EIF4ENIF1: variants seen among roughly 807,000 people sequenced by gnomAD.
EIF4ENIF1 encodes the protein eukaryotic translation initiation factor 4E transporter.
In EIF4ENIF1, 23 loss-of-function variants were observed where a neutral mutation model predicts 110.5. The observed-to-expected ratio is 0.21, with a 90% CI of 0.15 to 0.29. The LOEUF (loss-of-function observed/expected upper bound fraction) is 0.29, where lower values mean the gene tolerates loss of function less well. EIF4ENIF1 is among the 10% of genes least tolerant of loss of function. The pLI, the probability that EIF4ENIF1 is intolerant of heterozygous loss-of-function variation, is 1.00. For synonymous variants in EIF4ENIF1, 440 were observed against 437.0 expected (o/e 1.01, Z -0.09); for missense variants, 1,031 against 1,221.1 (o/e 0.84, Z 2.32).
rs549119370 is a variant in EIF4ENIF1 at position 31,469,887 on chromosome 22, A to G, written c.171-1585T>C. On this transcript the variant is annotated intron_variant, in intron 3 of 18. Coordinates refer to ENST00000330125, the MANE Select transcript of EIF4ENIF1 (RefSeq NM_019843.4). ...TTTAAAAATATATTTTGTAGGCCAG[A>G]CGCAGTGGCTCATGCCTGCTAATCC... 2.1e-3 allele frequency among the ~76,000 whole-genome samples: 317 copies of G among 152,166 alleles called. 3 individuals are homozygous for G. Among genetic ancestry groups the G allele is most frequent in the Non-Finnish European group, 1.3e-3 (86 of 68,004 alleles).
At chr22:31,446,380 GA>G (rs1339941124) in intron 14 of EIF4ENIF1, among the ~76,000 whole-genome samples, 3 of 151,714 alleles carry the variant, frequency 2.0e-5, no homozygotes, top group Non-Finnish European at 4.4e-5. Context: ...AAGCACGTGA[GA>G]GGGGTTCAGC....
intron 8 of EIF4ENIF1, 144 bp from the exon 9 acceptor site, chr22:31,455,459 C>T (rs1018942950): frequency 4.4e-5 from 30 of 685,234 alleles, no homozygotes; most frequent in Middle Eastern, 4.6e-4. Context: ...AGTGCAGTGG[C>T]GCAATCTCGG....
intron 6 of EIF4ENIF1, among the ~76,000 whole-genome samples, chr22:31,459,538 A>G (rs2050928113): frequency 6.6e-6 from 1 of 152,124 alleles, no homozygotes; most frequent in African/African-American, 2.4e-5. Context: ...TACCTTCTCT[A>G]TAATCCTTAT....
intron 2 of EIF4ENIF1, among the ~76,000 whole-genome samples, chr22:31,472,570 C>T (rs556360831): frequency 4.3e-4 from 66 of 151,856 alleles, no homozygotes; most frequent in South Asian, 2.7e-3. Flanking sequence ...GGCCGGGGGG[C>T]GATAGTTTTT....
intron 2 of EIF4ENIF1, among the ~76,000 whole-genome samples, chr22:31,483,790 T>C (rs2051916873): frequency 6.6e-6 from 1 of 152,186 alleles, no homozygotes. Flanking sequence ...ATCCGATCAC[T>C]TTAAAAATGC....
chr22:31,444,235 A>G (rs1339271192), intron 15 of EIF4ENIF1, among the ~76,000 whole-genome samples: 3 of 152,118 alleles, frequency 2.0e-5, no homozygotes, highest in Non-Finnish European at 2.9e-5. Context: ...ACTCCCCTGC[A>G]AGTTTCAATA....
At chr22:31,488,862 A>G in intron 1 of EIF4ENIF1, 117 bp from the exon 2 acceptor site, 1 of 1,159,500 alleles carries the variant, frequency 8.6e-7, no homozygotes, top group South Asian at 1.6e-5. Context: ...GTTAAAAACA[A>G]GTCCCCACCC....
intron 7 of EIF4ENIF1, 68 bp downstream of exon 7, chr22:31,458,407 C>G: frequency 3.0e-6 from 4 of 1,345,730 alleles, no homozygotes; most frequent in Non-Finnish European, 3.9e-6. Flanking sequence ...ACAACACTTT[C>G]AAACCGATGT....
At chr22:31,447,339 C>T in intron 14 of EIF4ENIF1, 87 bp downstream of exon 14, 1 of 1,525,160 alleles carries the variant, frequency 6.6e-7, no homozygotes, top group South Asian at 1.2e-5. Flanking sequence ...ACAGTATGTA[C>T]AACAGAATTA....
chr22:31,472,558 C>T lies in EIF4ENIF1; in HGVS notation c.97-641G>A, dbSNP rs185324804. Among the ~76,000 whole-genome samples, 89 of 152,162 alleles carry T rather than the reference C, an allele frequency of 5.8e-4. 1 individual carries two copies. The highest frequency in any genetic ancestry group is 1.9e-3 in the African/African-American group (77 of 41,528). ...TGCTGGGATTACAGGTGTGAGCAACCGGGCCGGGGGGCGATAGTTTTTTTT... is the reference window on the plus strand; with the variant it reads ...TGCTGGGATTACAGGTGTGAGCAACTGGGCCGGGGGGCGATAGTTTTTTTT... On this transcript the variant is annotated intron_variant, in intron 2 of 18. Coordinates refer to ENST00000330125, the MANE Select transcript of EIF4ENIF1 (RefSeq NM_019843.4).
intron 3 of EIF4ENIF1, among the ~76,000 whole-genome samples, chr22:31,470,849 T>C (rs1019089532): frequency 6.6e-6 from 1 of 151,230 alleles, no homozygotes; most frequent in Non-Finnish European, 1.5e-5. Context: ...ATAGGTACCA[T>C]AAATACAAAA....
At chr22:31,438,165 A>T (rs527909140), downstream of EIF4ENIF1, among the ~76,000 whole-genome samples, 55 of 152,292 alleles carry the variant, frequency 3.6e-4, no homozygotes, top group African/African-American at 1.3e-3. Flanking sequence ...ACCCTTTAGC[A>T]TGGAGTCCTA....
At chr22:31,489,627 C>T (rs1328706904) in intron 1 of EIF4ENIF1, 67 bp downstream of exon 1, 8 of 97,514 alleles carry the variant, frequency 8.2e-5, no homozygotes, top group Non-Finnish European at 1.3e-4. Flanking sequence ...GCCCGCGCCC[C>T]TTCTACACCC....
intron 2 of EIF4ENIF1, among the ~76,000 whole-genome samples, chr22:31,473,007 A>G (rs1017789400): frequency 1.3e-5 from 2 of 149,840 alleles, no homozygotes; most frequent in African/African-American, 2.5e-5. Context: ...GGTATCTATC[A>G]TTCTATTCTC....
chr22:31,477,390 A>G (rs55694512), intron 2 of EIF4ENIF1, among the ~76,000 whole-genome samples: 55,483 of 130,844 alleles, frequency 0.42, 13,519 homozygotes, highest in Middle Eastern at 0.54. Flanking sequence ...AAAACAAAAA[A>G]AGAGAATTTG....
intron 4 of EIF4ENIF1, 135 bp downstream of exon 4, chr22:31,468,040 C>T: frequency 7.5e-7 from 1 of 1,329,884 alleles, no homozygotes; most frequent in Non-Finnish European, 1.0e-6. Context: ...TAGGAAAAAT[C>T]CAACCGATAA....
At chr22:31,445,965 C>G (rs879874882) in intron 14 of EIF4ENIF1, among the ~76,000 whole-genome samples, 21 of 148,192 alleles carry the variant, frequency 1.4e-4, no homozygotes, top group Non-Finnish European at 3.0e-5. Flanking sequence ...CCCCCCCCCC[C>G]ATCTACCTCA....
chr22:31,445,247 C>T (rs1271284400), intron 14 of EIF4ENIF1, among the ~76,000 whole-genome samples: 1 of 152,132 alleles, frequency 6.6e-6, no homozygotes, highest in Non-Finnish European at 1.5e-5. Context: ...ATAATTAGCA[C>T]AGTGCCTGGC....
chr22:31,489,180 G>A (rs887828061), intron 1 of EIF4ENIF1: 16 of 156,454 alleles, frequency 1.0e-4, no homozygotes, highest in South Asian at 3.7e-4. Flanking sequence ...CTTGTTATCC[G>A]GCGATCAGGG....
Sources: gnomAD v4.1 joint callset for allele counts (sites outside exome capture counted in the v4.1 genomes callset) on GRCh38, gnomAD v4.1.1 for gene constraint, MANE v1.5 for transcripts, NCBI Gene and HGNC (gene_info 2026-07-23, HGNC 2026-07-21) for gene names.